THSD7A: variants seen among roughly 807,000 people sequenced by gnomAD.
THSD7A encodes the protein thrombospondin type-1 domain-containing protein 7A.
A neutral mutation model predicts 231.3 loss-of-function variants in THSD7A; 96 were observed. The ratio of observed to expected loss-of-function variants is 0.41; its 90% CI spans 0.35 to 0.49. THSD7A has a LOEUF of 0.49. THSD7A is among the 20% of genes least tolerant of loss of function. The pLI, the probability that THSD7A is intolerant of heterozygous loss-of-function variation, is 0.05. For synonymous variants in THSD7A, 940 were observed against 743.3 expected (o/e 1.26, Z -4.30); for missense variants, 2,290 against 2,070.2 (o/e 1.11, Z -2.06).
chr7:11,569,089 T>G (rs572024434), intron 4 of THSD7A, among the ~76,000 whole-genome samples: 2 of 151,804 alleles, frequency 1.3e-5, no homozygotes, highest in East Asian at 3.9e-4. Context: ...ATAAAATGAC[T>G]AGAAGAAAGC....
At chr7:11,415,816 C>G (rs1207111564) in intron 17 of THSD7A, among the ~76,000 whole-genome samples, 1 of 152,154 alleles carries the variant, frequency 6.6e-6, no homozygotes, top group African/African-American at 2.4e-5. Context: ...TTGATTGGGA[C>G]TTTTGCCTTA....
At position 11,407,321 on chromosome 7, in the gene THSD7A, T is replaced by A. The variant is rs138206332; in HGVS notation, c.3901A>T (p.Thr1301Ser). 6 of 1,613,176 alleles carry A rather than the reference T, an allele frequency of 3.7e-6. No individual in the cohort carries two copies. The African/African-American group carries it at 8.0e-5, about 22-fold the overall frequency. The stretch of plus-strand genomic sequence containing the variant: ...ACAAACAAACCTGTGAGGCCACATG[T>A]TTGAGAACATTCTGACCAAGGAGAC... The part of the protein sequence containing the change: ...DWSPWSECSQ[T>S]CGLTGKMIRR... The change falls in exon 20 of 28, where the codon ACA becomes TCA. Residue 1301 changes from threonine to serine, a missense_variant. Coordinates refer to ENST00000423059, the MANE Select transcript of THSD7A (RefSeq NM_015204.3).
chr7:11,722,776 G>C (rs907994413), intron 1 of THSD7A, among the ~76,000 whole-genome samples: 2 of 151,994 alleles, frequency 1.3e-5, no homozygotes, highest in Admixed American at 1.3e-4. Flanking sequence ...ACCACAATGA[G>C]ATACCATCTC....
At chr7:11,594,505 T>C (rs1780285539) in intron 2 of THSD7A, among the ~76,000 whole-genome samples, 1 of 152,128 alleles carries the variant, frequency 6.6e-6, no homozygotes, top group African/African-American at 2.4e-5. Flanking sequence ...GTGTGAACTG[T>C]TTAGGGAGTT....
intron 13 of THSD7A, among the ~76,000 whole-genome samples, chr7:11,442,918 G>A (rs1201924401): frequency 6.6e-6 from 1 of 152,014 alleles, no homozygotes; most frequent in Non-Finnish European, 1.5e-5. Context: ...TTTTCTGTAA[G>A]TGCCTTTCTC....
At position 11,386,827 on chromosome 7, in the gene THSD7A, G is replaced by T. The variant is rs142056478; in HGVS notation, c.4412-4211C>A. ...TAGTATTGCCTAGGTTTTCTTCTAC[G>T]GTTTTTACGGTTTTAGGTCTTGGGT... On this transcript the variant is annotated intron_variant, in intron 23 of 27. Coordinates refer to ENST00000423059, the MANE Select transcript of THSD7A (RefSeq NM_015204.3). Among the ~76,000 whole-genome samples the T allele has an allele frequency of 4.6e-3, 707 of 152,044 alleles. 9 individuals carry two copies. The highest frequency in any genetic ancestry group is 0.016 in the African/African-American group (656 of 41,466).
intron 4 of THSD7A, among the ~76,000 whole-genome samples, chr7:11,583,753 A>T (rs1406247949): frequency 6.6e-6 from 1 of 151,936 alleles, no homozygotes; most frequent in Non-Finnish European, 1.5e-5. Context: ...TTATCTAGAG[A>T]GTTTTTGCAT....
chr7:11,698,357 T>C (rs961903738), intron 1 of THSD7A, among the ~76,000 whole-genome samples: 1 of 151,246 alleles, frequency 6.6e-6, no homozygotes, highest in Non-Finnish European at 1.5e-5. Context: ...ATTGCATGAG[T>C]TGGCAAATAC....
At chr7:11,780,038 G>A (rs1016473488) in intron 1 of THSD7A, among the ~76,000 whole-genome samples, 2 of 152,196 alleles carry the variant, frequency 1.3e-5, no homozygotes, top group East Asian at 1.9e-4. Flanking sequence ...GTCTGGGTCT[G>A]GGGAAGTTCA....
At chr7:11,570,426 C>T (rs1790574305) in intron 4 of THSD7A, among the ~76,000 whole-genome samples, 1 of 152,094 alleles carries the variant, frequency 6.6e-6, no homozygotes, top group Non-Finnish European at 1.5e-5. Flanking sequence ...TTTTCAATAG[C>T]ACAGTTGGGT....
chr7:11,682,102 G>A (rs565175641), intron 1 of THSD7A, among the ~76,000 whole-genome samples: 12 of 152,046 alleles, frequency 7.9e-5, no homozygotes, highest in Non-Finnish European at 1.5e-4. Context: ...AGATGCTTAA[G>A]GGAGTTCTAA....
At chr7:11,450,692 A>T (rs1785114843) in intron 11 of THSD7A, among the ~76,000 whole-genome samples, 1 of 152,068 alleles carries the variant, frequency 6.6e-6, no homozygotes, top group Non-Finnish European at 1.5e-5. Context: ...GATGGATCAT[A>T]CTAAGAGCAC....
chr7:11,544,436 C>T (rs2354963), intron 4 of THSD7A, among the ~76,000 whole-genome samples: 126,493 of 152,180 alleles, frequency 0.83, 53,261 homozygotes, highest in African/African-American at 0.96. Flanking sequence ...CCCACACTTG[C>T]AGAAAAAATG....
intron 11 of THSD7A, among the ~76,000 whole-genome samples, chr7:11,459,150 T>A (rs1413327475): frequency 6.6e-6 from 1 of 152,168 alleles, no homozygotes; most frequent in African/African-American, 2.4e-5. Context: ...TTTGTGCATC[T>A]ATTATGAAAA....
At chr7:11,714,552 T>C (rs895443775) in intron 1 of THSD7A, among the ~76,000 whole-genome samples, 23 of 151,288 alleles carry the variant, frequency 1.5e-4, no homozygotes, top group Admixed American at 1.5e-3. Flanking sequence ...AATAAATGAT[T>C]CTGACTCTTC....
chr7:11,601,917 A>T (rs1422329627), intron 2 of THSD7A, among the ~76,000 whole-genome samples: 2 of 152,182 alleles, frequency 1.3e-5, no homozygotes. Context: ...TAAGCAGTTG[A>T]CTGGAATTCA....
chr7:11,570,976 T>C (rs940134975), intron 4 of THSD7A, among the ~76,000 whole-genome samples: 2 of 152,186 alleles, frequency 1.3e-5, no homozygotes, highest in African/African-American at 4.8e-5. Context: ...TCTCCATTCT[T>C]GATGAAGTCC....
chr7:11,602,796 T>A (rs761743587), intron 2 of THSD7A, among the ~76,000 whole-genome samples: 77 of 151,626 alleles, frequency 5.1e-4, no homozygotes, highest in Non-Finnish European at 1.0e-3. Flanking sequence ...TAGATTCTGG[T>A]GGTGAGGTGG....
At chr7:11,391,346 G>C (rs779965029) in intron 23 of THSD7A, among the ~76,000 whole-genome samples, 3 of 152,238 alleles carry the variant, frequency 2.0e-5, no homozygotes, top group Non-Finnish European at 2.9e-5. Context: ...GACTTGCTGA[G>C]CTGTTGTGGG....
Sources: allele counts gnomAD v4.1 joint callset (sites outside exome capture counted in the v4.1 genomes callset), GRCh38; gene constraint gnomAD v4.1.1; transcripts MANE v1.5; gene names NCBI Gene and HGNC (gene_info 2026-07-23, HGNC 2026-07-21).